Variants in ADAMTSL3 observed in about 807,000 individuals in gnomAD.
ADAMTSL3 encodes ADAMTS-like protein 3.
A neutral mutation model predicts 201.7 loss-of-function variants in ADAMTSL3; 128 were observed. The observed-to-expected ratio is 0.63, with a 90% CI of 0.55 to 0.73. The LOEUF is 0.73. Ranked by LOEUF, ADAMTSL3 falls within the 30% of genes least tolerant of loss-of-function variation. ADAMTSL3 has a pLI of 0.00. For synonymous variants in ADAMTSL3, 738 were observed against 748.4 expected, an observed-to-expected ratio of 0.99 and a Z score of 0.23; for missense variants, 1,990 against 2,119.6, an observed-to-expected ratio of 0.94 and a Z score of 1.20.
chr15:83,808,353 A>G (rs182812034), intron 5 of ADAMTSL3, among the ~76,000 whole-genome samples: 1 of 152,344 alleles, frequency 6.6e-6, no homozygotes, highest in African/African-American at 2.4e-5. Flanking sequence ...TCAATAGAAA[A>G]CATAAATACC....
intron 17 of ADAMTSL3, among the ~76,000 whole-genome samples, chr15:83,938,989 T>A (rs1322599643): frequency 6.6e-6 from 1 of 152,220 alleles, no homozygotes; most frequent in Admixed American, 6.5e-5. Context: ...ATGTTTTTTA[T>A]CATGAATATC....
chr15:83,964,129 C>A (rs1259485557), intron 19 of ADAMTSL3, among the ~76,000 whole-genome samples: 1 of 152,148 alleles, frequency 6.6e-6, no homozygotes, highest in East Asian at 1.9e-4. Flanking sequence ...TGCAAAGTGT[C>A]ACAACTCCTT....
At chr15:83,986,739 A>G (rs2067484206) in intron 21 of ADAMTSL3, among the ~76,000 whole-genome samples, 1 of 152,240 alleles carries the variant, frequency 6.6e-6, no homozygotes, top group Non-Finnish European at 1.5e-5. Context: ...CTGTGTAGGC[A>G]TGGAGTACTG....
chr15:83,909,832 T>C (rs763939535), intron 15 of ADAMTSL3, among the ~76,000 whole-genome samples: 7 of 152,128 alleles, frequency 4.6e-5, no homozygotes, highest in Middle Eastern at 6.3e-3. Flanking sequence ...GCCAGCCTAG[T>C]CTTGAACTCC....
intron 21 of ADAMTSL3, 130 bp downstream of exon 21, chr15:83,983,474 T>TA: frequency 1.4e-6 from 1 of 709,170 alleles, no homozygotes; most frequent in Non-Finnish European, 2.2e-6. Flanking sequence ...GGAAAGAAAC[T>TA]AAAAAATGTT....
At position 83,887,818 on chromosome 15, in the gene ADAMTSL3, T is replaced by G. The variant is rs567583936; in HGVS notation, c.1073-2291T>G. Among the ~76,000 whole-genome samples the G allele has an allele frequency of 2.5e-3, 386 of 152,322 alleles. 1 individual carries two copies. Among genetic ancestry groups the G allele is most frequent in the African/African-American group, 9.0e-3 (376 of 41,586 alleles). ...GTTGCCCAGGCTGGTCTCCAACTGG[T>G]GGGCCCAAGCCATCCTCCCACTCCA... is the stretch of plus-strand genomic sequence containing the variant. On this transcript the variant is annotated intron_variant, in intron 10 of 29. Coordinates refer to ENST00000286744, the MANE Select transcript of ADAMTSL3 (RefSeq NM_207517.3).
intron 6 of ADAMTSL3, among the ~76,000 whole-genome samples, chr15:83,827,404 G>T (rs1414872070): frequency 6.6e-6 from 1 of 152,122 alleles, no homozygotes; most frequent in Non-Finnish European, 1.5e-5. Flanking sequence ...GTAGATTCTG[G>T]ATATTAGCCC....
chr15:83,879,176 C>A (rs2065230454), intron 9 of ADAMTSL3, among the ~76,000 whole-genome samples: 1 of 152,088 alleles, frequency 6.6e-6, no homozygotes, highest in Admixed American at 6.6e-5. Flanking sequence ...AGAGGGTTAT[C>A]AATTTTATTA....
intron 2 of ADAMTSL3, among the ~76,000 whole-genome samples, chr15:83,681,271 T>C (rs535495948): frequency 1.3e-5 from 2 of 152,368 alleles, no homozygotes; most frequent in Admixed American, 6.5e-5. Flanking sequence ...CAGATTTCCA[T>C]GTCAGAGGAA....
intron 2 of ADAMTSL3, among the ~76,000 whole-genome samples, chr15:83,663,323 G>A (rs773926282): frequency 5.9e-5 from 9 of 152,048 alleles, no homozygotes; most frequent in African/African-American, 1.4e-4. Flanking sequence ...AGTATTTCTC[G>A]TTTTCTTTAT....
intron 4 of ADAMTSL3, among the ~76,000 whole-genome samples, chr15:83,788,743 C>T (rs1046648501): frequency 1.3e-5 from 2 of 152,160 alleles, no homozygotes; most frequent in African/African-American, 4.8e-5. Flanking sequence ...AAAACTCATT[C>T]TCTTCAGTCC....
chr15:83,925,741 G>A (rs952486798), intron 17 of ADAMTSL3, among the ~76,000 whole-genome samples: 2 of 152,122 alleles, frequency 1.3e-5, no homozygotes, highest in African/African-American at 4.8e-5. Context: ...GTAGTAATCC[G>A]AATTATTTAT....
intron 3 of ADAMTSL3, among the ~76,000 whole-genome samples, chr15:83,746,615 G>A (rs761488819): frequency 2.9e-4 from 44 of 152,154 alleles, no homozygotes; most frequent in Admixed American, 2.4e-3. Flanking sequence ...TTTGGGTAAT[G>A]TGAATGATAT....
At chr15:83,861,308 A>G (rs2064853255) in intron 8 of ADAMTSL3, among the ~76,000 whole-genome samples, 1 of 152,200 alleles carries the variant, frequency 6.6e-6, no homozygotes, top group Admixed American at 6.5e-5. Flanking sequence ...CCCAGCACGC[A>G]GCTTGAGATC....
intron 27 of ADAMTSL3, among the ~76,000 whole-genome samples, chr15:84,029,643 TCTGAGGAG>T (rs3052628): frequency 0.83 from 125,649 of 151,516 alleles, 52,445 homozygotes; most frequent in East Asian, 0.95. Context: ...AAACCCATTT[TCTGAGGAG>T]CTGAGGAGAA....
Position 83,819,820 on chromosome 15 carries a change from C to T in ADAMTSL3, c.373C>T (p.Pro125Ser). 5.6e-6 allele frequency: 9 copies of T among 1,613,666 alleles called. No homozygotes were observed. The highest frequency in any genetic ancestry group is 7.6e-6 in the Non-Finnish European group (9 of 1,179,982). ...TTCCCTCTGCCCCCAGGACTGCCCT[C>T]CAGATGCAGAAGATTTCAGAGCCCA... ...YKTCSNHDCP[P>S]DAEDFRAQQC... The change falls in exon 6 of 30, where the codon CCA becomes TCA. Residue 125 changes from proline to serine, a missense_variant. By Grantham distance (74) the Pro-to-Ser change is moderately conservative. Coordinates refer to ENST00000286744, the MANE Select transcript of ADAMTSL3 (RefSeq NM_207517.3).
Position 83,899,707 on chromosome 15 carries a change from C to T in ADAMTSL3, c.1676C>T (p.Thr559Ile), listed in dbSNP as rs766461906. ...AAACAAGCACAAGAACTAGAAGAGA[C>T]CAGAATAGCAACAGAAGAACCAACG... is the stretch of plus-strand genomic sequence containing the variant. ...WLKQAQELEE[T>I]RIATEEPTFI... Residue 559 changes from threonine to isoleucine, a missense_variant, in exon 15 of 30, where the codon ACC (threonine) becomes ATC (isoleucine). Thr to Ile is a moderately conservative substitution (Grantham distance 89, BLOSUM62 -1). Transcript: ENST00000286744. 1 of 1,611,704 alleles carries T rather than the reference C, an allele frequency of 6.2e-7. No homozygotes were observed. Among genetic ancestry groups the T allele is most frequent in the Admixed American group, 1.7e-5 (1 of 59,976 alleles).
intron 3 of ADAMTSL3, among the ~76,000 whole-genome samples, chr15:83,739,105 G>C (rs182090586): frequency 1.5e-4 from 23 of 151,966 alleles, no homozygotes; most frequent in Admixed American, 1.0e-3. Flanking sequence ...ATGTATATGA[G>C]TTAAATGTCT....
intron 23 of ADAMTSL3, among the ~76,000 whole-genome samples, chr15:83,993,363 T>C (rs566091470): frequency 6.6e-6 from 1 of 152,220 alleles, no homozygotes. Flanking sequence ...TTTCATCTTA[T>C]AGATGAGTAC....
Sources: gnomAD v4.1 joint callset for allele counts (sites outside exome capture counted in the v4.1 genomes callset) on GRCh38, gnomAD v4.1.1 for gene constraint, MANE v1.5 for transcripts, NCBI Gene and HGNC (gene_info 2026-07-23, HGNC 2026-07-21) for gene names.